SMAD6: variants seen among roughly 807,000 people sequenced by gnomAD.
SMAD6 encodes MAD homolog 6.
SMAD6 carries 103 observed loss-of-function variants against 39.4 expected under a neutral mutation model. The observed-to-expected ratio is 2.62, with a 90% CI of 2.23 to 3.08. The LOEUF (loss-of-function observed/expected upper bound fraction) is 3.08. Among genes scored for constraint, SMAD6 ranks in the 30% most tolerant of loss-of-function variants. The probability of loss-of-function intolerance (pLI) is 0.00; values close to 1 mark genes in which losing one functional copy is unlikely to be tolerated. For synonymous variants in SMAD6, 445 were observed against 353.3 expected, an observed-to-expected ratio of 1.26 and a Z score of -2.91; for missense variants, 1,104 against 742.9, an observed-to-expected ratio of 1.49 and a Z score of -5.65.
In SMAD6 at chr15:66,781,362, G is replaced by C; in HGVS notation, c.1318G>C (p.Asp440His). The C allele has an allele frequency of 6.3e-7, 1 of 1,599,774 alleles. No individual in the cohort carries two copies. The highest frequency in any genetic ancestry group is 1.7e-4 in the Middle Eastern group (1 of 6,052). The change falls in exon 4 of 4, where the codon GAC (aspartate) becomes CAC (histidine). Residue 440 changes from aspartate (D) to histidine (H), a missense_variant. Physicochemically the swap from Asp to His is moderately conservative, Grantham distance 81 (BLOSUM62 -1). Coordinates refer to ENST00000288840, the MANE Select transcript of SMAD6 (RefSeq NM_005585.5). Reference sequence around the variant, plus strand: ...CCCCGGCTACTCCATCAAGGTGTTCGACTTCGAGCGCTCGGGCCTGCAGCA... The same window carrying C: ...CCCCGGCTACTCCATCAAGGTGTTCCACTTCGAGCGCTCGGGCCTGCAGCA... ...VPPGYSIKVF[D>H]FERSGLQHAP...
Position 66,724,087 on chromosome 15 carries a change from G to A in SMAD6, c.952+7589G>A, listed in dbSNP as rs75135671. Among the ~76,000 whole-genome samples the A allele has an allele frequency of 7.9e-5, 12 of 152,330 alleles. No homozygotes were observed. The East Asian group carries it at 2.1e-3, about 27-fold the overall frequency. ...TTAATACCATATGTTCTAAGAGTTT[G>A]TGGCTAGAAAGTAAATAAGCGAGAG... On this transcript the variant is annotated intron_variant, in intron 3 of 3. Coordinates refer to ENST00000288840, the MANE Select transcript of SMAD6 (RefSeq NM_005585.5).
intron 3 of SMAD6, among the ~76,000 whole-genome samples, chr15:66,759,944 C>T (rs571487509): frequency 1.1e-4 from 16 of 152,310 alleles, no homozygotes; most frequent in Admixed American, 7.2e-4. Context: ...AGTCAAGGCC[C>T]GGCATGGTCT....
At chr15:66,728,495 C>T (rs2140621857) in intron 3 of SMAD6, among the ~76,000 whole-genome samples, 1 of 152,110 alleles carries the variant, frequency 6.6e-6, no homozygotes, top group Non-Finnish European at 1.5e-5. Flanking sequence ...CAACCTCTGC[C>T]TCCCAGGTTC....
intron 3 of SMAD6, among the ~76,000 whole-genome samples, chr15:66,746,485 G>T (rs1893911101): frequency 6.6e-6 from 1 of 152,006 alleles, no homozygotes; most frequent in African/African-American, 2.4e-5. Flanking sequence ...GAGGCTCCAA[G>T]TTCCTCTCTG....
Position 66,724,901 on chromosome 15 carries a change from C to T in SMAD6, c.952+8403C>T, listed in dbSNP as rs534063765. ...GCCCCTACCCCTCACTATACATTGG[C>T]GGCCTGCATCATCAGGGGAACCGGC... On this transcript the variant is annotated intron_variant, in intron 3 of 3. Coordinates refer to ENST00000288840, the MANE Select transcript of SMAD6 (RefSeq NM_005585.5). 3.2e-4 allele frequency among the ~76,000 whole-genome samples: 49 copies of T among 152,230 alleles called. No homozygotes were observed. The South Asian group carries it at 4.1e-3, about 13-fold the overall frequency.
intron 3 of SMAD6, among the ~76,000 whole-genome samples, chr15:66,734,871 G>A (rs1224189942): frequency 6.6e-6 from 1 of 152,246 alleles, no homozygotes; most frequent in Non-Finnish European, 1.5e-5. Flanking sequence ...TATGTTATGT[G>A]TATTTTACCA....
chr15:66,755,268 G>C (rs1471383409), intron 3 of SMAD6, among the ~76,000 whole-genome samples: 1 of 152,182 alleles, frequency 6.6e-6, no homozygotes, highest in African/African-American at 2.4e-5. Flanking sequence ...ATTTCTGTTT[G>C]TTCACAGGAC....
At position 66,703,866 on chromosome 15, in the gene SMAD6, G is replaced by C; in HGVS notation, c.608G>C (p.Gly203Ala). ...EAVESRGGVP[G>A]GCVLVPRADL... ...GTGGAGTCCCGCGGCGGCGTGCCGG[G>C]CGGCTGCGTGCTGGTGCCGCGCGCC... Residue 203 changes from glycine to alanine, a missense_variant, in exon 1 of 4, where the codon GGC becomes GCC. Coordinates refer to ENST00000288840, the MANE Select transcript of SMAD6 (RefSeq NM_005585.5). 7.5e-7 allele frequency: 1 copy of C among 1,335,012 alleles called. No homozygotes were observed. Among genetic ancestry groups the C allele is most frequent in the South Asian group, 1.9e-5 (1 of 52,164 alleles). 82.7% of individuals were successfully genotyped at this position (1,335,012 alleles called of 1,614,324 possible). A position where few individuals can be genotyped will look rare whatever the true frequency, so the allele number is the denominator to read the frequency against.
In SMAD6 at chr15:66,781,420, A is replaced by G. The variant is rs775754285; in HGVS notation, c.1376A>G (p.Tyr459Cys). ...GAGCCCGACGCCGCCGACGGCCCCT[A>G]CGACCCCAACAGCGTCCGCATCAGC... The part of the protein sequence containing the change: ...APEPDAADGP[Y>C]DPNSVRISFA... Residue 459 changes from tyrosine (Y) to cysteine (C), a missense_variant, in exon 4 of 4, where the codon TAC becomes TGC. Transcript: ENST00000288840. 2 of 1,604,764 alleles carry G rather than the reference A, an allele frequency of 1.2e-6. No individual in the cohort carries two copies. Among genetic ancestry groups the G allele is most frequent in the Non-Finnish European group, 1.7e-6 (2 of 1,178,396 alleles).
Position 66,781,193 on chromosome 15 carries a change from G to C in SMAD6, c.1149G>C (p.Thr383=). 1 of 1,608,066 alleles carries C rather than the reference G, an allele frequency of 6.2e-7. No individual in the cohort carries two copies. The highest frequency in any genetic ancestry group is 8.5e-7 in the Non-Finnish European group (1 of 1,179,736). The part of the protein sequence containing the change: ...LEQRSESVRR[T]RSKIGFGILL... ...AGCGCAGCGAGTCGGTGCGGCGAAC[G>C]CGCAGCAAGATCGGCTTCGGCATCC... The change falls in exon 4 of 4, where the codon ACG becomes ACC. Residue 383 remains threonine, a synonymous_variant. Coordinates refer to ENST00000288840, the MANE Select transcript of SMAD6 (RefSeq NM_005585.5).
chr15:66,705,611 C>T (rs1255349446), intron 1 of SMAD6: 4 of 152,034 alleles, frequency 2.6e-5, no homozygotes, highest in South Asian at 2.1e-4. Flanking sequence ...GTAGAAGCCC[C>T]TGGCAGGTGT....
At chr15:66,751,799 T>G (rs1894010882) in intron 3 of SMAD6, among the ~76,000 whole-genome samples, 2 of 152,246 alleles carry the variant, frequency 1.3e-5, no homozygotes, top group Non-Finnish European at 2.9e-5. Flanking sequence ...ATGTCAGAGC[T>G]GGAGGGACTT....
rs550277151 is a variant in SMAD6, at chr15:66,743,687, T to C, written c.952+27189T>C. Among the ~76,000 whole-genome samples the C allele has an allele frequency of 2.0e-5, 3 of 152,206 alleles. No individual in the cohort carries two copies. In the South Asian group the frequency reaches 6.2e-4, roughly 32 times the overall value. ...TGCTACCACCCTAAAAGAAAATAAT[T>C]ATATTATTCTTCTTAAAATTATTTG... On this transcript the variant is annotated intron_variant, in intron 3 of 3. Coordinates refer to ENST00000288840, the MANE Select transcript of SMAD6 (RefSeq NM_005585.5).
At chr15:66,777,967 A>C (rs932885546) in intron 3 of SMAD6, among the ~76,000 whole-genome samples, 2 of 151,962 alleles carry the variant, frequency 1.3e-5, no homozygotes, top group African/African-American at 4.8e-5. Context: ...TAGGCTGGGG[A>C]CATGGGTTTT....
chr15:66,726,462 C>A (rs1473752526), intron 3 of SMAD6, among the ~76,000 whole-genome samples: 1 of 152,182 alleles, frequency 6.6e-6, no homozygotes. Context: ...GTGATGAAAT[C>A]TCTGGGGCTT....
chr15:66,742,851 T>C (rs969032721), intron 3 of SMAD6, among the ~76,000 whole-genome samples: 1 of 152,162 alleles, frequency 6.6e-6, no homozygotes, highest in African/African-American at 2.4e-5. Flanking sequence ...GAGGCCTGGC[T>C]TTGTTTCTGG....
At chr15:66,727,040 G>A (rs1358586083) in intron 3 of SMAD6, among the ~76,000 whole-genome samples, 3 of 152,022 alleles carry the variant, frequency 2.0e-5, no homozygotes, top group African/African-American at 4.8e-5. Flanking sequence ...CTGGGCATAA[G>A]CATACATGGG....
chr15:66,719,405 T>C (rs1160677765), intron 3 of SMAD6, among the ~76,000 whole-genome samples: 2 of 152,106 alleles, frequency 1.3e-5, no homozygotes, highest in Non-Finnish European at 2.9e-5. Context: ...TCCAGGCCAC[T>C]ACTGGACAAA....
In SMAD6 at chr15:66,702,793, T is replaced by G; in HGVS notation, c.-466T>G. The stretch of plus-strand genomic sequence containing the variant: ...TTTCGGATCCTGCGGGAAAAGCCCA[T>G]GTAGTTAAGCGCTTTGGTTTAAAAA... On this transcript the variant is annotated 5_prime_UTR_variant, in exon 1 of 4. It removes an upstream start codon present in the reference 5' UTR. Coordinates refer to ENST00000288840, the MANE Select transcript of SMAD6 (RefSeq NM_005585.5). 6.5e-6 allele frequency: 1 copy of G among 153,984 alleles called. No individual in the cohort carries two copies. The highest frequency in any genetic ancestry group is 1.4e-5 in the Non-Finnish European group (1 of 69,456). The allele number at this position is 153,984 out of a possible 1,614,324, so 9.5% of individuals were successfully genotyped here. A position where few individuals can be genotyped will look rare whatever the true frequency, so the allele number is the denominator to read the frequency against.
Sources: allele counts gnomAD v4.1 joint callset (sites outside exome capture counted in the v4.1 genomes callset), GRCh38; gene constraint gnomAD v4.1.1; transcripts MANE v1.5; gene names NCBI Gene and HGNC (gene_info 2026-07-23, HGNC 2026-07-21).